Variants in BBOX1 observed in about 807,000 individuals in gnomAD.
The protein encoded by BBOX1 is gamma-butyrobetaine hydroxylase 1.
BBOX1 carries 35 observed loss-of-function variants against 41.6 expected under a neutral mutation model. That is an observed-to-expected ratio of 0.84 (90% CI 0.64 to 1.11). The LOEUF is 1.11. BBOX1 is among the 50% of genes most tolerant of loss of function. BBOX1 has a pLI of 0.00. For synonymous variants in BBOX1, 163 were observed against 154.7 expected (o/e 1.05, Z -0.40); for missense variants, 458 against 460.6 (o/e 0.99, Z 0.05).
At chr11:27,106,432 T>C (rs1858867861) in intron 5 of BBOX1, among the ~76,000 whole-genome samples, 1 of 151,502 alleles carries the variant, frequency 6.6e-6, no homozygotes, top group South Asian at 2.1e-4. Context: ...AAGGTAGGGG[T>C]TGCAATCCTA....
intron 5 of BBOX1, among the ~76,000 whole-genome samples, chr11:27,094,690 C>T (rs1478263948): frequency 6.6e-6 from 1 of 151,974 alleles, no homozygotes; most frequent in Non-Finnish European, 1.5e-5. Flanking sequence ...TAGAGTAAGA[C>T]TTGGTCTGTA....
chr11:27,124,453 T>C (rs1859573439), intron 7 of BBOX1, among the ~76,000 whole-genome samples: 1 of 152,202 alleles, frequency 6.6e-6, no homozygotes, highest in South Asian at 2.1e-4. Flanking sequence ...TGGGTGATGT[T>C]CATGTCTTGC....
At chr11:27,075,178 A>G (rs1857593371) in intron 4 of BBOX1, among the ~76,000 whole-genome samples, 1 of 151,816 alleles carries the variant, frequency 6.6e-6, no homozygotes, top group African/African-American at 2.4e-5. Context: ...TTTAATGTTT[A>G]TAGTTTATTG....
At chr11:27,115,370 C>A in intron 5 of BBOX1, 82 bp from the exon 6 acceptor site, 1 of 1,103,930 alleles carries the variant, frequency 9.1e-7, no homozygotes, top group Non-Finnish European at 1.3e-6. Flanking sequence ...TTCCATTTCT[C>A]CCCACATATC....
rs576790873 is a variant in BBOX1 at position 27,127,615 on chromosome 11, A to G, written c.*162A>G. On this transcript the variant is annotated 3_prime_UTR_variant, in exon 9 of 9. Coordinates refer to ENST00000263182, the MANE Select transcript of BBOX1 (RefSeq NM_003986.3). ...ACTCTTTACTTTGTAATCATATACA[A>G]TGTCAACTTTTTAGATGTTTCACCA... 5.5e-5 allele frequency: 44 copies of G among 806,672 alleles called. No individual in the cohort carries two copies. Among genetic ancestry groups the G allele is most frequent in the Middle Eastern group, 3.7e-4 (1 of 2,672 alleles). 50.0% of individuals were successfully genotyped at this position (806,672 alleles called of 1,614,324 possible).
intron 5 of BBOX1, 95 bp downstream of exon 5, chr11:27,093,461 T>C (rs779562846): frequency 6.6e-5 from 82 of 1,234,634 alleles, no homozygotes; most frequent in Non-Finnish European, 9.3e-5. Flanking sequence ...ATACAGAAAT[T>C]CTCATAATGT....
rs532555289 is a variant in BBOX1, at chr11:27,051,277, T to C, written c.-38-4116T>C. Among the ~76,000 whole-genome samples, 8 of 152,188 alleles carry C rather than the reference T, an allele frequency of 5.3e-5. No individual in the cohort carries two copies. The South Asian group carries it at 6.2e-4, about 12-fold the overall frequency. On this transcript the variant is annotated intron_variant, in intron 2 of 8. Coordinates refer to ENST00000263182, the MANE Select transcript of BBOX1 (RefSeq NM_003986.3). Reference sequence around the variant, plus strand: ...TTTGCATCTATGTTTACCAGGAATATTGGTCTGTAATATTCTATTATTTCA... The same window carrying C: ...TTTGCATCTATGTTTACCAGGAATACTGGTCTGTAATATTCTATTATTTCA...
chr11:27,061,197 C>T (rs1341127985), intron 4 of BBOX1, among the ~76,000 whole-genome samples: 1 of 152,090 alleles, frequency 6.6e-6, no homozygotes, highest in African/African-American at 2.4e-5. Flanking sequence ...ATATGGACAT[C>T]CTCCTCCATT....
intron 4 of BBOX1, among the ~76,000 whole-genome samples, chr11:27,073,017 G>A (rs1857507502): frequency 6.6e-6 from 1 of 152,160 alleles, no homozygotes; most frequent in African/African-American, 2.4e-5. Flanking sequence ...AGGACGTCAT[G>A]TCTAAAACAC....
intron 2 of BBOX1, among the ~76,000 whole-genome samples, chr11:27,048,993 CGGTGTTTG>C (rs543514216): frequency 4.6e-4 from 67 of 146,428 alleles, no homozygotes; most frequent in African/African-American, 1.5e-3. Flanking sequence ...TGAGAATATG[CGGTGTTTG>C]GTTTTTTGTT....
At chr11:27,073,994 A>G (rs1250366306) in intron 4 of BBOX1, among the ~76,000 whole-genome samples, 1 of 152,058 alleles carries the variant, frequency 6.6e-6, no homozygotes, top group Non-Finnish European at 1.5e-5. Context: ...GCACACCAAC[A>G]TGGCACATAT....
intron 3 of BBOX1, among the ~76,000 whole-genome samples, chr11:27,056,753 C>T (rs530748124): frequency 2.0e-5 from 3 of 151,886 alleles, no homozygotes; most frequent in Non-Finnish European, 4.4e-5. Context: ...TTTCCAAAAG[C>T]GTATGCTTAA....
At chr11:27,086,041 G>A (rs1858027098) in intron 4 of BBOX1, among the ~76,000 whole-genome samples, 1 of 152,090 alleles carries the variant, frequency 6.6e-6, no homozygotes. Context: ...AGAAAAGTCT[G>A]GCAGTAGCAG....
intron 4 of BBOX1, among the ~76,000 whole-genome samples, chr11:27,076,619 G>A (rs929986760): frequency 6.6e-6 from 1 of 152,090 alleles, no homozygotes; most frequent in Non-Finnish European, 1.5e-5. Context: ...ACAATGAGTG[G>A]GGCCATAAAG....
intron 2 of BBOX1, among the ~76,000 whole-genome samples, chr11:27,054,172 G>T (rs1349462019): frequency 6.8e-6 from 1 of 147,836 alleles, no homozygotes; most frequent in Non-Finnish European, 1.5e-5. Flanking sequence ...TGCAGTGCCT[G>T]GAAGGGATTT....
chr11:27,127,714 TCTC>T lies in BBOX1; in HGVS notation c.*263_*265del. On this transcript the variant is annotated 3_prime_UTR_variant, in exon 9 of 9. Coordinates refer to ENST00000263182, the MANE Select transcript of BBOX1 (RefSeq NM_003986.3). Reference sequence around the variant, plus strand: ...AATTTCTTTTGCCCATATATGAGTATCTCCAGAATGTCTACAAATAGTTTTTGT... The same window carrying T: ...AATTTCTTTTGCCCATATATGAGTATCAGAATGTCTACAAATAGTTTTTGT... 1 of 367,340 alleles carries T rather than the reference TCTC, an allele frequency of 2.7e-6. No homozygotes were observed. The highest frequency in any genetic ancestry group is 4.5e-5 in the Admixed American group (1 of 22,256). 22.8% of individuals were successfully genotyped at this position (367,340 alleles called of 1,614,324 possible).
intron 2 of BBOX1, among the ~76,000 whole-genome samples, chr11:27,043,784 T>C (rs1470073635): frequency 6.6e-6 from 1 of 151,812 alleles, no homozygotes; most frequent in African/African-American, 2.4e-5. Flanking sequence ...CATCCTTTTT[T>C]ATGGCTGCAT....
chr11:27,088,037 G>C (rs1858103989), intron 4 of BBOX1, among the ~76,000 whole-genome samples: 1 of 151,820 alleles, frequency 6.6e-6, no homozygotes, highest in African/African-American at 2.4e-5. Flanking sequence ...ATTTTTTAAA[G>C]AATATAAATC....
At chr11:27,067,345 A>G (rs918247544) in intron 4 of BBOX1, among the ~76,000 whole-genome samples, 1 of 151,972 alleles carries the variant, frequency 6.6e-6, no homozygotes. Context: ...GTTGTAACGA[A>G]TATGTCATTT....
Sources: gnomAD v4.1 joint callset for allele counts (sites outside exome capture counted in the v4.1 genomes callset) on GRCh38, gnomAD v4.1.1 for gene constraint, MANE v1.5 for transcripts, NCBI Gene and HGNC (gene_info 2026-07-23, HGNC 2026-07-21) for gene names.